ZNRF1: variants seen among roughly 807,000 people sequenced by gnomAD.
ZNRF1 encodes the protein zinc and ring finger 1.
A neutral mutation model predicts 18.4 loss-of-function variants in ZNRF1; 3 were observed. That is an observed-to-expected ratio of 0.16 (90% CI 0.07 to 0.42). The LOEUF (loss-of-function observed/expected upper bound fraction) is 0.42. Ranked by LOEUF, ZNRF1 falls within the 10% of genes least tolerant of loss-of-function variation. The probability of loss-of-function intolerance (pLI) is 0.99; values close to 1 mark genes in which losing one functional copy is unlikely to be tolerated. For missense variants in ZNRF1, 310 were observed against 329.8 expected (o/e 0.94, Z 0.47); for synonymous variants, 157 against 144.2 (o/e 1.09, Z -0.64).
chr16:75,039,759 G>T (rs113740036), intron 1 of ZNRF1, among the ~76,000 whole-genome samples: 1 of 152,302 alleles, frequency 6.6e-6, no homozygotes, highest in East Asian at 1.9e-4. Context: ...TGATTCTTAC[G>T]TGTGCTGTTG....
chr16:75,009,327 A>G (rs2034964637), intron 1 of ZNRF1, among the ~76,000 whole-genome samples: 1 of 152,146 alleles, frequency 6.6e-6, no homozygotes, highest in African/African-American at 2.4e-5. Context: ...AACCGTTTTT[A>G]AGTGTACAGT....
At chr16:75,066,564 G>A (rs574152854) in intron 1 of ZNRF1, among the ~76,000 whole-genome samples, 9 of 152,244 alleles carry the variant, frequency 5.9e-5, no homozygotes, top group African/African-American at 1.2e-4. Flanking sequence ...GTGCAGTGGC[G>A]CGATGTCAGG....
chr16:75,031,369 A>G lies in ZNRF1; in HGVS notation c.424+31274A>G, dbSNP rs540995128. 1.6e-3 allele frequency among the ~76,000 whole-genome samples: 241 copies of G among 152,132 alleles called. 1 individual carries two copies. The highest frequency in any genetic ancestry group is 5.6e-3 in the African/African-American group (234 of 41,508). ...ATGGTCTCTATCTCCCGACCTCGTG[A>G]TCTGCCTGCCTCAGCCTCCCAAAGT... On this transcript the variant is annotated intron_variant, in intron 1 of 4. Coordinates refer to ENST00000335325, the MANE Select transcript of ZNRF1 (RefSeq NM_032268.5).
In ZNRF1 at chr16:75,059,751, G is replaced by T. The variant is rs114359453; in HGVS notation, c.425-33821G>T. ...ACTCTACCTGTAATGTTTGGAAATTGTATAAATCAATTTAAACATGGACTA... is the reference window on the plus strand; with the variant it reads ...ACTCTACCTGTAATGTTTGGAAATTTTATAAATCAATTTAAACATGGACTA... On this transcript the variant is annotated intron_variant, in intron 1 of 4. Transcript: ENST00000335325. Among the ~76,000 whole-genome samples the T allele has an allele frequency of 7.2e-5, 11 of 152,262 alleles. No individual in the cohort carries two copies. The East Asian group carries it at 2.1e-3, about 29-fold the overall frequency.
chr16:75,032,257 C>T (rs944173979), intron 1 of ZNRF1, among the ~76,000 whole-genome samples: 37 of 151,728 alleles, frequency 2.4e-4, no homozygotes, highest in African/African-American at 8.4e-4. Flanking sequence ...TTATAGGCAC[C>T]TGCCATCCTG....
At chr16:75,056,275 G>A (rs542999354) in intron 1 of ZNRF1, among the ~76,000 whole-genome samples, 8 of 152,356 alleles carry the variant, frequency 5.3e-5, no homozygotes, top group Admixed American at 2.0e-4. Context: ...TAAGCCTAGT[G>A]ACTGTGTGTT....
intron 3 of ZNRF1, chr16:75,105,105 G>C (rs1226727323): frequency 4.1e-6 from 2 of 489,048 alleles, no homozygotes; most frequent in Non-Finnish European, 7.5e-6. Context: ...TGCCAGAGGT[G>C]TGCTCTGGTT....
intron 1 of ZNRF1, among the ~76,000 whole-genome samples, chr16:75,061,651 A>G (rs2035746281): frequency 6.6e-6 from 1 of 152,108 alleles, no homozygotes; most frequent in African/African-American, 2.4e-5. Flanking sequence ...CAGCTCTGAT[A>G]TTTTTGCCAG....
At chr16:75,076,394 G>T (rs575441679) in intron 1 of ZNRF1, among the ~76,000 whole-genome samples, 1 of 152,050 alleles carries the variant, frequency 6.6e-6, no homozygotes, top group African/African-American at 2.4e-5. Flanking sequence ...GGACACATTC[G>T]CTAGACAGCC....
chr16:75,057,297 T>C (rs894722089), intron 1 of ZNRF1, among the ~76,000 whole-genome samples: 5 of 152,230 alleles, frequency 3.3e-5, no homozygotes, highest in Admixed American at 2.0e-4. Context: ...CTAATACAAA[T>C]ACAGATGGTG....
intron 1 of ZNRF1, among the ~76,000 whole-genome samples, chr16:75,049,731 A>C (rs1022750345): frequency 2.6e-5 from 4 of 152,174 alleles, no homozygotes; most frequent in African/African-American, 9.7e-5. Context: ...GGTTTTCTTC[A>C]GTGGTACATC....
chr16:75,002,628 A>G (rs1351951662), intron 1 of ZNRF1, among the ~76,000 whole-genome samples: 2 of 151,850 alleles, frequency 1.3e-5, no homozygotes, highest in Non-Finnish European at 2.9e-5. Flanking sequence ...GGTCCCAGCT[A>G]CTCCTCTGAG....
At chr16:75,101,314 G>A (rs1398202122) in intron 2 of ZNRF1, among the ~76,000 whole-genome samples, 1 of 152,234 alleles carries the variant, frequency 6.6e-6, no homozygotes, top group African/African-American at 2.4e-5. Context: ...TCAGCACTTT[G>A]GGAGGCCGAG....
intron 1 of ZNRF1, among the ~76,000 whole-genome samples, chr16:75,066,443 A>T (rs1414909698): frequency 6.6e-6 from 1 of 152,244 alleles, no homozygotes; most frequent in Non-Finnish European, 1.5e-5. Context: ...TAAAATATTG[A>T]TGAAGGGATA....
At chr16:75,029,211 A>G (rs1189340053) in intron 1 of ZNRF1, among the ~76,000 whole-genome samples, 2 of 151,764 alleles carry the variant, frequency 1.3e-5, no homozygotes, top group Non-Finnish European at 2.9e-5. Context: ...CAGTGGCGCC[A>G]TCTCAGCTCA....
intron 1 of ZNRF1, among the ~76,000 whole-genome samples, chr16:75,050,387 G>T (rs138675957): frequency 6.6e-6 from 1 of 151,942 alleles, no homozygotes; most frequent in Non-Finnish European, 1.5e-5. Flanking sequence ...TTAGCTGGGC[G>T]TGGTGGTGCA....
intron 1 of ZNRF1, among the ~76,000 whole-genome samples, chr16:75,076,798 G>C (rs1042933503): frequency 6.6e-6 from 1 of 151,502 alleles, no homozygotes; most frequent in African/African-American, 2.4e-5. Flanking sequence ...TCGTGAGTGT[G>C]GTGCCTTTAT....
chr16:75,106,109 G>A (rs1248687774), intron 3 of ZNRF1: 3 of 204,594 alleles, frequency 1.5e-5, no homozygotes, highest in Non-Finnish European at 3.1e-5. Context: ...GCCCTTGGGA[G>A]TCTTGGAGAC....
chr16:75,024,836 C>A (rs964907663), intron 1 of ZNRF1, among the ~76,000 whole-genome samples: 1 of 152,144 alleles, frequency 6.6e-6, no homozygotes, highest in African/African-American at 2.4e-5. Context: ...CAAAAATAAT[C>A]AGAATATTCA....
Sources: allele counts gnomAD v4.1 joint callset (sites outside exome capture counted in the v4.1 genomes callset), GRCh38; gene constraint gnomAD v4.1.1; transcripts MANE v1.5; gene names NCBI Gene and HGNC (gene_info 2026-07-23, HGNC 2026-07-21).